EBF1: variants seen among roughly 807,000 people sequenced by gnomAD.
EBF1 encodes the protein transcription factor COE1.
In EBF1, 10 loss-of-function variants were observed where a neutral mutation model predicts 68.4. The observed-to-expected ratio is 0.15, with a 90% CI of 0.09 to 0.25. EBF1 has a LOEUF of 0.25. Ranked by LOEUF, EBF1 falls within the 10% of genes least tolerant of loss-of-function variation. EBF1 has a pLI of 1.00. For synonymous variants in EBF1, 298 were observed against 299.8 expected (o/e 0.99, Z 0.06); for missense variants, 509 against 794.4 (o/e 0.64, Z 4.32).
chr5:158,949,185 T>C (rs1270993356), intron 6 of EBF1, among the ~76,000 whole-genome samples: 1 of 152,244 alleles, frequency 6.6e-6, no homozygotes, highest in Admixed American at 6.5e-5. Context: ...CAACTTATTC[T>C]TTACATTGAT....
At chr5:159,031,195 A>G (rs1768766432) in intron 6 of EBF1, among the ~76,000 whole-genome samples, 1 of 150,310 alleles carries the variant, frequency 6.7e-6, no homozygotes, top group Admixed American at 6.6e-5. Flanking sequence ...AAAGAAAAGA[A>G]AAGAGTACAG....
At position 158,773,235 on chromosome 5, in the gene EBF1, T is replaced by C. The variant is rs775874930; in HGVS notation, c.1036+4178A>G. 9.4e-4 allele frequency among the ~76,000 whole-genome samples: 143 copies of C among 152,136 alleles called. 2 individuals carry two copies. Among genetic ancestry groups the C allele is most frequent in the Admixed American group, 1.5e-3 (23 of 15,266 alleles). On this transcript the variant is annotated intron_variant, in intron 10 of 15. Coordinates refer to ENST00000313708, the MANE Select transcript of EBF1 (RefSeq NM_024007.5). ...AAGATGTCAAGTTCCACAGAGCATA[T>C]GCAGACAAAATAGCCCCTCCTATGT...
At chr5:158,791,287 C>G (rs1160965683) in intron 9 of EBF1, among the ~76,000 whole-genome samples, 1 of 148,276 alleles carries the variant, frequency 6.7e-6, no homozygotes, top group Non-Finnish European at 1.5e-5. Flanking sequence ...CCACTGCACT[C>G]CAGCCTGAGC....
At chr5:159,071,202 T>C (rs1777733421) in intron 6 of EBF1, among the ~76,000 whole-genome samples, 1 of 152,194 alleles carries the variant, frequency 6.6e-6, no homozygotes, top group African/African-American at 2.4e-5. Flanking sequence ...CTGGCATCAC[T>C]GCATGAAAAG....
At chr5:158,959,983 A>G (rs1411599101) in intron 6 of EBF1, among the ~76,000 whole-genome samples, 2 of 152,196 alleles carry the variant, frequency 1.3e-5, no homozygotes, top group Non-Finnish European at 2.9e-5. Context: ...AAATAGCAGA[A>G]TTGACACCTA....
intron 6 of EBF1, among the ~76,000 whole-genome samples, chr5:159,034,689 C>T (rs557422525): frequency 1.3e-5 from 2 of 152,308 alleles, no homozygotes; most frequent in East Asian, 1.9e-4. Context: ...ACTTCATTGT[C>T]GTTGTTTTCC....
chr5:158,978,797 TACAC>T (rs57930371), intron 6 of EBF1, among the ~76,000 whole-genome samples: 13,501 of 142,780 alleles, frequency 0.095, 774 homozygotes, highest in Non-Finnish European at 0.13. Flanking sequence ...CACACACACA[TACAC>T]ACACACACAC....
chr5:158,957,015 C>T (rs1311740398), intron 6 of EBF1, among the ~76,000 whole-genome samples: 1 of 152,138 alleles, frequency 6.6e-6, no homozygotes, highest in Middle Eastern at 3.2e-3. Flanking sequence ...GTCTAGGCCT[C>T]CCAAAGTGCT....
intron 6 of EBF1, among the ~76,000 whole-genome samples, chr5:158,919,270 A>G (rs1001111030): frequency 8.6e-5 from 13 of 152,040 alleles, no homozygotes; most frequent in African/African-American, 2.7e-4. Context: ...GTTTGGAATA[A>G]TAACAACCTT....
chr5:158,966,800 G>A (rs1004430991), intron 6 of EBF1, among the ~76,000 whole-genome samples: 3 of 152,152 alleles, frequency 2.0e-5, no homozygotes, highest in South Asian at 2.1e-4. Flanking sequence ...CACCTTTTTA[G>A]ACAAGCAAGT....
At chr5:158,854,145 G>A (rs1363932204) in intron 6 of EBF1, among the ~76,000 whole-genome samples, 2 of 152,176 alleles carry the variant, frequency 1.3e-5, no homozygotes, top group Admixed American at 6.5e-5. Flanking sequence ...TCTGGTAGAG[G>A]GATGCAGTTT....
At chr5:159,056,462 C>G (rs1448701379) in intron 6 of EBF1, among the ~76,000 whole-genome samples, 4 of 152,152 alleles carry the variant, frequency 2.6e-5, no homozygotes, top group Non-Finnish European at 4.4e-5. Context: ...CCTTTGCCTT[C>G]TGGAATCATT....
rs1417355526 is a variant in EBF1 at position 158,956,485 on chromosome 5, A to G, written c.555-116375T>C. Among the ~76,000 whole-genome samples the G allele has an allele frequency of 2.6e-5, 4 of 152,120 alleles. No individual in the cohort carries two copies. In the East Asian group the frequency reaches 7.8e-4, roughly 29 times the overall value. Reference sequence around the variant, plus strand: ...TAGACACACACACACACACGCACACACACACACGCACGCACACTTTCAGAT... The same window carrying G: ...TAGACACACACACACACACGCACACGCACACACGCACGCACACTTTCAGAT... On this transcript the variant is annotated intron_variant, in intron 6 of 15. Transcript: ENST00000313708.
At chr5:158,772,746 C>T (rs1774120662) in intron 10 of EBF1, among the ~76,000 whole-genome samples, 1 of 151,996 alleles carries the variant, frequency 6.6e-6, no homozygotes, top group South Asian at 2.1e-4. Context: ...ATAAACAATC[C>T]ATGGAAAATA....
chr5:158,910,850 T>C (rs570060397), intron 6 of EBF1, among the ~76,000 whole-genome samples: 341 of 152,354 alleles, frequency 2.2e-3, no homozygotes, highest in African/African-American at 7.7e-3. Context: ...TAGGAAATTA[T>C]AAAGTCCAGT....
intron 6 of EBF1, among the ~76,000 whole-genome samples, chr5:158,927,339 A>G (rs1403833542): frequency 6.6e-6 from 1 of 152,158 alleles, no homozygotes; most frequent in Non-Finnish European, 1.5e-5. Context: ...TCATGAATGC[A>G]AGAGGTGTCC....
chr5:159,032,598 G>A (rs1769144701), intron 6 of EBF1, among the ~76,000 whole-genome samples: 1 of 152,080 alleles, frequency 6.6e-6, no homozygotes. Flanking sequence ...GCAGATTCCG[G>A]GTTACATTAT....
chr5:159,007,605 G>A, intron 6 of EBF1, among the ~76,000 whole-genome samples: 1 of 152,256 alleles, frequency 6.6e-6, no homozygotes. Context: ...TTAGAAGAGG[G>A]TCAAGAAAGC....
intron 10 of EBF1, among the ~76,000 whole-genome samples, chr5:158,732,950 A>G (rs1764421077): frequency 6.6e-6 from 1 of 152,176 alleles, no homozygotes; most frequent in African/African-American, 2.4e-5. Context: ...GGTGTATCAA[A>G]TCTTTCTATC....
Sources: gnomAD v4.1 joint callset for allele counts (sites outside exome capture counted in the v4.1 genomes callset) on GRCh38, gnomAD v4.1.1 for gene constraint, MANE v1.5 for transcripts, NCBI Gene and HGNC (gene_info 2026-07-23, HGNC 2026-07-21) for gene names.